The following CADM2 variants were observed in gnomAD, a reference collection of about 807,000 sequenced individuals.
CADM2 encodes immunoglobulin superfamily member 4D.
In CADM2, 12 loss-of-function variants were observed where a neutral mutation model predicts 49.8. That is an observed-to-expected ratio of 0.24 (90% CI 0.15 to 0.39). The LOEUF (loss-of-function observed/expected upper bound fraction) is 0.39. CADM2 is among the 10% of genes least tolerant of loss of function. CADM2 has a pLI of 1.00. For missense variants in CADM2, 378 were observed against 492.3 expected (o/e 0.77, Z 2.20); for synonymous variants, 214 against 175.4 (o/e 1.22, Z -1.74).
At chr3:85,960,783 A>G (rs1724714350) in intron 7 of CADM2, among the ~76,000 whole-genome samples, 1 of 151,706 alleles carries the variant, frequency 6.6e-6, no homozygotes, top group South Asian at 2.1e-4. Context: ...AACTCACAGT[A>G]AAAACCTCTA....
chr3:85,660,912 T>TAAAAA (rs562976361), intron 1 of CADM2, among the ~76,000 whole-genome samples: 1 of 138,268 alleles, frequency 7.2e-6, no homozygotes. Flanking sequence ...ATAATCAAAC[T>TAAAAA]AAAAAAAAAA....
intron 1 of CADM2, among the ~76,000 whole-genome samples, chr3:85,426,229 C>T (rs976843423): frequency 6.6e-6 from 1 of 151,728 alleles, no homozygotes; most frequent in Non-Finnish European, 1.5e-5. Context: ...GCAGCCTCGA[C>T]CTCTTAGGCT....
chr3:85,436,839 C>G (rs2036954458), intron 1 of CADM2, among the ~76,000 whole-genome samples: 1 of 152,172 alleles, frequency 6.6e-6, no homozygotes, highest in Non-Finnish European at 1.5e-5. Context: ...AATTGATGAA[C>G]CTACATTGAC....
intron 1 of CADM2, among the ~76,000 whole-genome samples, chr3:85,278,110 A>G (rs1482227830): frequency 6.6e-6 from 1 of 150,774 alleles, no homozygotes; most frequent in African/African-American, 2.4e-5. Context: ...CTTTTTTACA[A>G]CCTATATTAT....
intron 1 of CADM2, among the ~76,000 whole-genome samples, chr3:85,386,301 G>A (rs906203528): frequency 2.6e-5 from 4 of 152,108 alleles, no homozygotes; most frequent in African/African-American, 9.7e-5. Flanking sequence ...TAGGGAACGT[G>A]GTCCAACCTT....
intron 8 of CADM2, among the ~76,000 whole-genome samples, chr3:86,026,514 A>G (rs1733925986): frequency 6.6e-6 from 1 of 152,178 alleles, no homozygotes; most frequent in East Asian, 1.9e-4. Context: ...TTACAACTCC[A>G]GCTAATATCA....
chr3:85,189,378 A>G (rs1405558029), intron 1 of CADM2, among the ~76,000 whole-genome samples: 2 of 151,994 alleles, frequency 1.3e-5, no homozygotes, highest in African/African-American at 4.8e-5. Context: ...ATAATTTTTC[A>G]TACCCAATAA....
At chr3:85,945,615 T>A (rs1369496412) in intron 7 of CADM2, among the ~76,000 whole-genome samples, 1 of 152,172 alleles carries the variant, frequency 6.6e-6, no homozygotes, top group East Asian at 1.9e-4. Context: ...GATGCAAGAC[T>A]GGTTCAACAT....
intron 1 of CADM2, among the ~76,000 whole-genome samples, chr3:85,228,047 G>A (rs928226123): frequency 2.6e-5 from 4 of 152,120 alleles, no homozygotes; most frequent in Non-Finnish European, 5.9e-5. Flanking sequence ...CTCTCTGGCT[G>A]CACTTAACAT....
intron 1 of CADM2, among the ~76,000 whole-genome samples, chr3:85,439,270 C>T (rs2037078640): frequency 1.3e-5 from 2 of 151,668 alleles, no homozygotes; most frequent in South Asian, 4.2e-4. Context: ...TCTCCTGCCT[C>T]AGTCTCCTTA....
intron 8 of CADM2, among the ~76,000 whole-genome samples, chr3:85,968,030 G>T (rs919584436): frequency 2.6e-5 from 4 of 151,554 alleles, no homozygotes; most frequent in Non-Finnish European, 5.9e-5. Context: ...AAAATATACA[G>T]TGGAGGGAAA....
At chr3:85,540,104 T>C (rs1402799713) in intron 1 of CADM2, among the ~76,000 whole-genome samples, 1 of 152,122 alleles carries the variant, frequency 6.6e-6, no homozygotes, top group African/African-American at 2.4e-5. Context: ...GATTTCTTAC[T>C]TTCAGCTTGC....
chr3:85,833,266 C>T (rs556186819), intron 3 of CADM2, among the ~76,000 whole-genome samples: 59 of 149,468 alleles, frequency 3.9e-4, no homozygotes, highest in African/African-American at 1.3e-3. Context: ...GGGATATTAG[C>T]CTGCAGTTTT....
chr3:85,838,782 A>G (rs767327666), intron 3 of CADM2, among the ~76,000 whole-genome samples: 1 of 150,930 alleles, frequency 6.6e-6, no homozygotes, highest in Non-Finnish European at 1.5e-5. Flanking sequence ...GATTTTATTT[A>G]CCCAGTTACA....
At chr3:86,054,726 G>T (rs1478023761) in intron 8 of CADM2, among the ~76,000 whole-genome samples, 10 of 149,410 alleles carry the variant, frequency 6.7e-5, no homozygotes, top group African/African-American at 2.2e-4. Context: ...TTTTTTTTCA[G>T]CTTAAGAAAT....
At chr3:85,183,436 GA>G (rs34889064) in intron 1 of CADM2, among the ~76,000 whole-genome samples, 9 of 151,684 alleles carry the variant, frequency 5.9e-5, no homozygotes, top group African/African-American at 1.2e-4. Context: ...AATTCACAAA[GA>G]AAAAAAACAC....
At chr3:85,445,953 A>G (rs2037430281) in intron 1 of CADM2, among the ~76,000 whole-genome samples, 1 of 152,192 alleles carries the variant, frequency 6.6e-6, no homozygotes, top group Non-Finnish European at 1.5e-5. Flanking sequence ...TGAAAACTTC[A>G]GACCAGAGAT....
At chr3:85,416,517 C>G (rs2035927411) in intron 1 of CADM2, among the ~76,000 whole-genome samples, 1 of 152,124 alleles carries the variant, frequency 6.6e-6, no homozygotes. Context: ...TGAACTTGCC[C>G]TATGCATTTT....
intron 1 of CADM2, among the ~76,000 whole-genome samples, chr3:85,418,222 C>CATT (rs80285517): frequency 0.56 from 85,432 of 151,398 alleles, 25,094 homozygotes; most frequent in East Asian, 0.83. Flanking sequence ...AGCTACCTAT[C>CATT]ATACATTTGT....
Sources: gnomAD v4.1 joint callset for allele counts (sites outside exome capture counted in the v4.1 genomes callset) on GRCh38, gnomAD v4.1.1 for gene constraint, MANE v1.5 for transcripts, NCBI Gene and HGNC (gene_info 2026-07-23, HGNC 2026-07-21) for gene names.